The following CHRDL1 variants were observed in gnomAD, a reference collection of about 807,000 sequenced individuals.
The protein encoded by CHRDL1 is chordin like 1.
A neutral mutation model predicts 40.9 loss-of-function variants in CHRDL1; 19 were observed. The ratio of observed to expected loss-of-function variants is 0.46; its 90% CI spans 0.32 to 0.68. The LOEUF is 0.68. Among genes scored for constraint, CHRDL1 ranks in the 30% least tolerant of loss-of-function variants. CHRDL1 has a pLI of 0.03. For missense variants in CHRDL1, 329 were observed against 352.1 expected (o/e 0.93, Z 0.53); for synonymous variants, 136 against 123.4 (o/e 1.10, Z -0.68).
intron 2 of CHRDL1, among the ~76,000 whole-genome samples, chrX:110,780,170 T>A (rs1264830857): frequency 9.0e-6 from 1 of 110,949 alleles, no homozygotes; most frequent in Non-Finnish European, 1.9e-5. Flanking sequence ...TGTATACCTT[T>A]TATTTCCATT....
At chrX:110,709,417 A>G (rs996650611) in intron 6 of CHRDL1, among the ~76,000 whole-genome samples, 1 of 112,377 alleles carries the variant, frequency 8.9e-6, no homozygotes, top group Admixed American at 9.5e-5. Context: ...CCTAGCAAAG[A>G]TAACTGCATG....
intron 8 of CHRDL1, among the ~76,000 whole-genome samples, chrX:110,693,168 C>T (rs1291037708): frequency 1.4e-4 from 14 of 98,584 alleles, no homozygotes; most frequent in Non-Finnish European, 2.9e-4. Context: ...GGGGTGGGGG[C>T]AGGGGGCGGG....
intron 6 of CHRDL1, among the ~76,000 whole-genome samples, chrX:110,715,433 G>A (rs778206831): frequency 1.8e-5 from 2 of 111,414 alleles, no homozygotes; most frequent in Non-Finnish European, 3.8e-5. Context: ...CAATAACTCT[G>A]TATTAGGCCA....
rs1244432251 is a variant in CHRDL1, at chrX:110,689,087, T to A, written c.779-284A>T. On this transcript the variant is annotated intron_variant, in intron 8 of 11. Transcript: ENST00000372042. ...ATATATATATGTATATATATATATA[T>A]ATATATATATATATATATATATATA... Among the ~76,000 whole-genome samples the A allele has an allele frequency of 6.4e-4, 53 of 83,360 alleles. 2 individuals carry two copies. The highest frequency in any genetic ancestry group is 2.3e-3 in the African/African-American group (52 of 22,350). 72.4% of individuals were successfully genotyped at this position (83,360 alleles called of 115,157 possible). A position where few individuals can be genotyped will look rare whatever the true frequency, so the allele number is the denominator to read the frequency against.
At chrX:110,794,585 T>C (rs2090153923) in intron 1 of CHRDL1, among the ~76,000 whole-genome samples, 1 of 112,705 alleles carries the variant, frequency 8.9e-6, no homozygotes, top group Non-Finnish European at 1.9e-5. Context: ...GAAACAAGCA[T>C]TCACATTGTT....
rs996064598 is a variant in CHRDL1, at chrX:110,759,687, G to A, written c.275C>T (p.Pro92Leu). ...TGGGCAGCGAGGGCAGCACAGATGAGGAATATGCACAGGAGAAAGGCAATG... is the reference window on the plus strand; with the variant it reads ...TGGGCAGCGAGGGCAGCACAGATGAAGAATATGCACAGGAGAAAGGCAATG... ...NVHCLSPVHI[P>L]HLCCPRCPED... The change falls in exon 4 of 12, where the codon CCT (proline) becomes CTT (leucine). Residue 92 changes from proline to leucine, a missense_variant. Coordinates refer to ENST00000372042, the MANE Select transcript of CHRDL1 (RefSeq NM_001143981.2). The A allele has an allele frequency of 3.3e-6, 4 of 1,201,879 alleles. No homozygotes were observed. Among genetic ancestry groups the A allele is most frequent in the Middle Eastern group, 2.3e-4 (1 of 4,323 alleles).
Position 110,792,119 on chromosome X carries a change from C to G in CHRDL1, c.63G>C (p.Leu21Phe), listed in dbSNP as rs779063289. 2 of 1,199,137 alleles carry G rather than the reference C, an allele frequency of 1.7e-6. No homozygotes were observed. The highest frequency in any genetic ancestry group is 3.5e-5 in the African/African-American group (2 of 56,878). Residue 21 changes from leucine to phenylalanine, a missense_variant, in exon 2 of 12, where the codon TTG (leucine) becomes TTC (phenylalanine). Physicochemically the swap from Leu to Phe is conservative, Grantham distance 22. Transcript: ENST00000372042. ...CTTGCTCTGTTTTGCCTCCTTCTAG[C>G]AAAAGAAAGAACAACAACGAAAAGA... is the stretch of plus-strand genomic sequence containing the variant. ...KYIFSLLFFLLLEGGKTEQVK... is the reference protein window; with the variant it reads ...KYIFSLLFFLFLEGGKTEQVK...
Position 110,700,649 on chromosome X carries a change from C to A in CHRDL1, c.609+5G>T, listed in dbSNP as rs761900993. 1 of 1,155,488 alleles carries A rather than the reference C, an allele frequency of 8.7e-7. No homozygotes were observed. The highest frequency in any genetic ancestry group is 1.2e-6 in the Non-Finnish European group (1 of 844,265). ...TGTTGAATTATTTGAGCTATTCACA[C>A]TTACTGCTTCTCTGTTGGCAGGTTG... On this transcript the variant is annotated splice_donor_5th_base_variant and intron_variant, in intron 7 of 11. Transcript: ENST00000372042.
chrX:110,692,043 A>G (rs1450101427), intron 8 of CHRDL1, among the ~76,000 whole-genome samples: 2 of 111,161 alleles, frequency 1.8e-5, no homozygotes, highest in Admixed American at 1.9e-4. Flanking sequence ...GTGGATTCCT[A>G]TCATTTCTCT....
At chrX:110,742,032 G>A (rs1182676101) in intron 4 of CHRDL1, among the ~76,000 whole-genome samples, 2 of 112,309 alleles carry the variant, frequency 1.8e-5, no homozygotes, top group East Asian at 2.8e-4. Context: ...ACAGAGAAAG[G>A]AGAAGAGAGA....
At chrX:110,679,824 G>C (rs1413124904) in intron 10 of CHRDL1, among the ~76,000 whole-genome samples, 1 of 112,154 alleles carries the variant, frequency 8.9e-6, no homozygotes, top group Non-Finnish European at 1.9e-5. Flanking sequence ...CTGCCCTCCT[G>C]GCTAAGCACT....
At chrX:110,725,799 C>T (rs1464259471) in intron 4 of CHRDL1, among the ~76,000 whole-genome samples, 1 of 111,971 alleles carries the variant, frequency 8.9e-6, no homozygotes, top group Non-Finnish European at 1.9e-5. Flanking sequence ...GCTGCCATTA[C>T]TTTGGTTCCT....
At chrX:110,702,623 A>T (rs2070538002) in intron 6 of CHRDL1, among the ~76,000 whole-genome samples, 1 of 111,803 alleles carries the variant, frequency 8.9e-6, no homozygotes, top group Non-Finnish European at 1.9e-5. Context: ...ACCATCATCT[A>T]TAACAGTGCC....
intron 4 of CHRDL1, among the ~76,000 whole-genome samples, chrX:110,723,267 G>GACAA (rs906390643): frequency 1.8e-5 from 2 of 110,375 alleles, no homozygotes; most frequent in Non-Finnish European, 3.8e-5. Context: ...CAAACAAACA[G>GACAA]ACAAACAAAC....
At chrX:110,772,617 C>CAT (rs1556370793) in intron 2 of CHRDL1, among the ~76,000 whole-genome samples, 2 of 112,541 alleles carry the variant, frequency 1.8e-5, no homozygotes, top group African/African-American at 6.5e-5. Flanking sequence ...CCAGCCTGAG[C>CAT]GATAGAGCAA....
At chrX:110,752,878 T>A (rs373584714) in intron 4 of CHRDL1, among the ~76,000 whole-genome samples, 1 of 110,717 alleles carries the variant, frequency 9.0e-6, no homozygotes, top group African/African-American at 3.3e-5. Context: ...AAGAGAGCAA[T>A]GGAGATCAGA....
chrX:110,765,006 C>T (rs2089634495), intron 2 of CHRDL1, among the ~76,000 whole-genome samples: 1 of 111,695 alleles, frequency 9.0e-6, no homozygotes, highest in South Asian at 3.8e-4. Flanking sequence ...TGAACATAGA[C>T]CCTTATCAGT....
intron 2 of CHRDL1, among the ~76,000 whole-genome samples, chrX:110,784,481 G>A (rs754364216): frequency 2.0e-4 from 22 of 110,662 alleles, no homozygotes; most frequent in African/African-American, 6.2e-4. Flanking sequence ...GCACAATCTC[G>A]GCTCACTGCA....
At position 110,712,966 on chromosome X, in the gene CHRDL1, C is replaced by CT. The variant is rs747320756; in HGVS notation, c.541+6868_541+6869insA. ...GAAAGAACATTATAGACCCCTACAG[C>CT]CTGGGGAGGGACTGGATTCATGGTG... On this transcript the variant is annotated intron_variant, in intron 6 of 11. Coordinates refer to ENST00000372042, the MANE Select transcript of CHRDL1 (RefSeq NM_001143981.2). 1.0e-4 allele frequency among the ~76,000 whole-genome samples: 11 copies of CT among 106,816 alleles called. No homozygotes were observed. The South Asian group carries it at 4.2e-3, about 41-fold the overall frequency. The allele number at this position is 106,816 out of a possible 115,157, so 92.8% of individuals were successfully genotyped here.
Sources: allele counts gnomAD v4.1 joint callset (sites outside exome capture counted in the v4.1 genomes callset), GRCh38; gene constraint gnomAD v4.1.1; transcripts MANE v1.5; gene names NCBI Gene and HGNC (gene_info 2026-07-23, HGNC 2026-07-21).